The following ADRA1B variants were observed in gnomAD, a reference collection of about 807,000 sequenced individuals.
ADRA1B encodes alpha-1B adrenergic receptor.
Under a neutral mutation model 17.9 loss-of-function variants are expected in ADRA1B, and 17 were observed. The observed-to-expected ratio is 0.95, with a 90% CI of 0.65 to 1.42. ADRA1B has a LOEUF of 1.42. Ranked by LOEUF, ADRA1B falls within the 40% of genes most tolerant of loss-of-function variation. The pLI is 0.00. For missense variants in ADRA1B, 681 were observed against 722.1 expected (o/e 0.94, Z 0.65); for synonymous variants, 366 against 327.6 (o/e 1.12, Z -1.27).
downstream of ADRA1B, among the ~76,000 whole-genome samples, chr5:159,973,880 A>G (rs1309961303): frequency 2.6e-5 from 4 of 152,228 alleles, no homozygotes; most frequent in Non-Finnish European, 4.4e-5. Flanking sequence ...AATAAAGGAC[A>G]CTGAGCAAAA....
chr5:159,877,399 C>G (rs1037915466), intron 1 of ADRA1B, among the ~76,000 whole-genome samples: 1 of 152,192 alleles, frequency 6.6e-6, no homozygotes, highest in African/African-American at 2.4e-5. Flanking sequence ...TTCATGCCCT[C>G]TGGTTGCCGT....
At chr5:159,975,253 T>G (rs1755954395), downstream of ADRA1B, among the ~76,000 whole-genome samples, 1 of 152,184 alleles carries the variant, frequency 6.6e-6, no homozygotes. Context: ...CTGAGACACT[T>G]GCTCTGGCCT....
In ADRA1B at chr5:159,909,691, C is replaced by T. The variant is rs75037546; in HGVS notation, c.-255-6428C>T. On this transcript the variant is annotated intron_variant, in intron 1 of 2. Coordinates refer to the ADRA1B transcript ENST00000641205. ...GACAAGGAAGGCCGGCATCAATTCACTACATTCAGTTCAAGTTCTGTTCCA... is the reference window on the plus strand; with the variant it reads ...GACAAGGAAGGCCGGCATCAATTCATTACATTCAGTTCAAGTTCTGTTCCA... Among the ~76,000 whole-genome samples, 794 of 152,328 alleles carry T rather than the reference C, an allele frequency of 5.2e-3. 4 individuals are homozygous for T. Among genetic ancestry groups the T allele is most frequent in the South Asian group, 0.016 (79 of 4,826 alleles).
intron 1 of ADRA1B, among the ~76,000 whole-genome samples, chr5:159,919,335 G>A (rs79224140): frequency 0.026 from 3,987 of 152,272 alleles, 79 homozygotes; most frequent in Non-Finnish European, 0.036. Flanking sequence ...TCGGTTTACA[G>A]TGGATGACAG....
At chr5:159,934,206 G>A (rs144787447) in intron 1 of ADRA1B, among the ~76,000 whole-genome samples, 2 of 152,322 alleles carry the variant, frequency 1.3e-5, no homozygotes, top group African/African-American at 4.8e-5. Context: ...TGATCTAGAG[G>A]GAGAAGCTGG....
At chr5:159,891,481 T>C (rs148235833) in intron 1 of ADRA1B, among the ~76,000 whole-genome samples, 1 of 151,660 alleles carries the variant, frequency 6.6e-6, no homozygotes, top group East Asian at 1.9e-4. Flanking sequence ...TGGGGGAGGG[T>C]AAGAATGTGG....
chr5:159,880,457 G>A (rs948727705), intron 1 of ADRA1B, among the ~76,000 whole-genome samples: 1 of 152,196 alleles, frequency 6.6e-6, no homozygotes, highest in African/African-American at 2.4e-5. Context: ...AAATTACAAA[G>A]ACCATGTGGA....
intron 1 of ADRA1B, among the ~76,000 whole-genome samples, chr5:159,962,717 CTGGAATGCA>C (rs1283128810): frequency 6.7e-6 from 1 of 148,358 alleles, no homozygotes; most frequent in East Asian, 2.0e-4. Flanking sequence ...ATTGCCCAGC[CTGGAATGCA>C]GTGATGCGAT....
intron 1 of ADRA1B, among the ~76,000 whole-genome samples, chr5:159,898,227 C>T (rs1009652746): frequency 6.6e-6 from 1 of 152,212 alleles, no homozygotes; most frequent in Non-Finnish European, 1.5e-5. Context: ...TGAAGCTGCT[C>T]TTAACCCCTG....
chr5:159,914,809 T>A (rs1463162300), upstream of ADRA1B, among the ~76,000 whole-genome samples: 1 of 152,166 alleles, frequency 6.6e-6, no homozygotes, highest in Non-Finnish European at 1.5e-5. Flanking sequence ...TTATAACAAG[T>A]ATCAAGAGCA....
At chr5:159,894,951 G>A (rs182260900) in intron 1 of ADRA1B, among the ~76,000 whole-genome samples, 5 of 152,066 alleles carry the variant, frequency 3.3e-5, no homozygotes, top group South Asian at 2.1e-4. Flanking sequence ...ACATACCTCC[G>A]CTAGTTCTTA....
intron 1 of ADRA1B, chr5:159,955,069 T>C (rs1021304004): frequency 1.2e-6 from 1 of 859,402 alleles, no homozygotes; most frequent in Non-Finnish European, 1.4e-6. Flanking sequence ...CAAAGACTAA[T>C]CATTTCATTA....
At chr5:159,981,718 G>C in the ADRA1B span, among the ~76,000 whole-genome samples, 1 of 152,048 alleles carries the variant, frequency 6.6e-6, no homozygotes, top group African/African-American at 2.4e-5. Context: ...GGATGGTCTC[G>C]ATCTCCTGAC....
chr5:159,883,609 T>C (rs1753890727), intron 1 of ADRA1B, among the ~76,000 whole-genome samples: 1 of 152,208 alleles, frequency 6.6e-6, no homozygotes, highest in South Asian at 2.1e-4. Context: ...TCAGAGTCCC[T>C]GCAGCAGGAC....
chr5:159,968,411 C>T (rs1755812369), intron 1 of ADRA1B, among the ~76,000 whole-genome samples: 2 of 152,194 alleles, frequency 1.3e-5, no homozygotes, highest in Admixed American at 1.3e-4. Context: ...CCCCATTAAT[C>T]CATTTATCGC....
intron 1 of ADRA1B, among the ~76,000 whole-genome samples, chr5:159,939,091 G>A (rs1034537860): frequency 3.9e-5 from 6 of 152,068 alleles, no homozygotes; most frequent in African/African-American, 7.2e-5. Flanking sequence ...TGTGAGAAGC[G>A]ATTAGTCCAA....
the ADRA1B span, among the ~76,000 whole-genome samples, chr5:159,978,822 T>A: frequency 2.0e-5 from 3 of 152,360 alleles, no homozygotes; most frequent in East Asian, 3.9e-4. Context: ...CAGCCACTAC[T>A]GTCAGAAGCA....
intron 1 of ADRA1B, among the ~76,000 whole-genome samples, chr5:159,929,623 T>C (rs1425928901): frequency 6.6e-6 from 1 of 152,172 alleles, no homozygotes; most frequent in Non-Finnish European, 1.5e-5. Context: ...TTTTTAGACT[T>C]AGGACCACAG....
intron 1 of ADRA1B, among the ~76,000 whole-genome samples, chr5:159,885,801 G>A (rs1484026385): frequency 6.6e-6 from 1 of 152,202 alleles, no homozygotes; most frequent in Non-Finnish European, 1.5e-5. Flanking sequence ...TCCCAAGTTA[G>A]ACAGTGTTTA....
Sources: gnomAD v4.1 joint callset for allele counts (sites outside exome capture counted in the v4.1 genomes callset) on GRCh38, gnomAD v4.1.1 for gene constraint, MANE v1.5 for transcripts, NCBI Gene and HGNC (gene_info 2026-07-23, HGNC 2026-07-21) for gene names.